Variants in ARHGEF18 observed in about 807,000 individuals in gnomAD.
The protein encoded by ARHGEF18 is Rho/Rac guanine nucleotide exchange factor 18, also known as rho guanine nucleotide exchange factor 18.
Under a neutral mutation model 155.7 loss-of-function variants are expected in ARHGEF18, and 93 were observed. The ratio of observed to expected loss-of-function variants is 0.60; its 90% CI spans 0.50 to 0.71. The LOEUF is 0.71. ARHGEF18 is among the 30% of genes least tolerant of loss of function. The pLI, the probability that ARHGEF18 is intolerant of heterozygous loss-of-function variation, is 0.00. For missense variants in ARHGEF18, 1,593 were observed against 1,816.1 expected (o/e 0.88, Z 2.23); for synonymous variants, 742 against 753.1 (o/e 0.99, Z 0.24).
chr19:7,363,514 G>T (rs572463665), intron 2 of ARHGEF18, among the ~76,000 whole-genome samples: 2 of 151,960 alleles, frequency 1.3e-5, no homozygotes, highest in Non-Finnish European at 2.9e-5. Flanking sequence ...AGAAAGGTGG[G>T]TGAATGGAAG....
intron 13 of ARHGEF18, among the ~76,000 whole-genome samples, chr19:7,443,393 G>A (rs1245125482): frequency 6.6e-6 from 1 of 152,046 alleles, no homozygotes; most frequent in Non-Finnish European, 1.5e-5. Context: ...TAGAGACAGG[G>A]TTTCGCTGTG....
At chr19:7,367,398 T>C (rs1230498365) in intron 2 of ARHGEF18, among the ~76,000 whole-genome samples, 1 of 151,770 alleles carries the variant, frequency 6.6e-6, no homozygotes, top group Non-Finnish European at 1.5e-5. Flanking sequence ...TAGCCCAGGA[T>C]TTCAAGACCA....
At chr19:7,385,876 CTCCCT>C (rs1971016522) in intron 10 of ARHGEF18, among the ~76,000 whole-genome samples, 5 of 62,380 alleles carry the variant, frequency 8.0e-5, no homozygotes, top group African/African-American at 5.0e-4. Flanking sequence ...TCTCTCCCCC[CTCCCT>C]CTCTCCCTCC....
chr19:7,401,254 A>T (rs898479900), intron 10 of ARHGEF18, among the ~76,000 whole-genome samples: 4 of 151,976 alleles, frequency 2.6e-5, no homozygotes, highest in Non-Finnish European at 5.9e-5. Flanking sequence ...ACCCTTTGTG[A>T]TGTCCACTTG....
At chr19:7,373,485 T>TTTG (rs1970297249) in intron 3 of ARHGEF18, among the ~76,000 whole-genome samples, 1 of 123,344 alleles carries the variant, frequency 8.1e-6, no homozygotes, top group African/African-American at 4.6e-5. Context: ...TTGTTTTTGT[T>TTTG]TTTTTTTTGA....
intron 7 of ARHGEF18, among the ~76,000 whole-genome samples, chr19:7,380,176 TA>T (rs869034526): frequency 0.08 from 11,182 of 139,904 alleles, 560 homozygotes; most frequent in Non-Finnish European, 0.12. Context: ...AAACCCTGTT[TA>T]AAAAAAAAAA....
Position 7,459,896 on chromosome 19 carries a change from C to G in ARHGEF18, c.2361-7C>G. 6.4e-7 allele frequency: 1 copy of G among 1,566,774 alleles called. No individual in the cohort carries two copies. Among genetic ancestry groups the G allele is most frequent in the Non-Finnish European group, 8.7e-7 (1 of 1,155,608 alleles). On this transcript the variant is annotated splice_region_variant and splice_polypyrimidine_tract_variant and intron_variant, in intron 19 of 28. Transcript: ENST00000668164. ...CACAGTTACCCACCCGACTCCTCTC[C>G]CTGCAGCTGCCCTGACGAGGAGGAG...
chr19:7,415,906 C>T (rs1421459311), intron 10 of ARHGEF18, among the ~76,000 whole-genome samples: 3 of 152,086 alleles, frequency 2.0e-5, no homozygotes, highest in South Asian at 2.1e-4. Context: ...TCTCTGTAAC[C>T]GCAACATGAA....
At chr19:7,414,645 C>G (rs1372379217) in intron 10 of ARHGEF18, among the ~76,000 whole-genome samples, 1 of 152,008 alleles carries the variant, frequency 6.6e-6, no homozygotes, top group Non-Finnish European at 1.5e-5. Context: ...CCCGTCTCTA[C>G]TAAAAATACA....
At chr19:7,404,921 G>A (rs563514892) in intron 10 of ARHGEF18, among the ~76,000 whole-genome samples, 19 of 152,042 alleles carry the variant, frequency 1.2e-4, no homozygotes, top group South Asian at 6.2e-4. Context: ...TTACCAAACC[G>A]AACTCACCTT....
intron 2 of ARHGEF18, among the ~76,000 whole-genome samples, chr19:7,367,534 G>A (rs1266518973): frequency 6.6e-6 from 1 of 151,694 alleles, no homozygotes; most frequent in Non-Finnish European, 1.5e-5. Flanking sequence ...ATCACCTGAG[G>A]TCAGGAGTTC....
intron 1 of ARHGEF18, among the ~76,000 whole-genome samples, chr19:7,352,641 C>T (rs945183902): frequency 3.6e-5 from 5 of 139,920 alleles, no homozygotes; most frequent in African/African-American, 1.3e-4. Context: ...TCACGCCATT[C>T]TCCTGCCTCA....
chr19:7,439,079 G>A (rs10415183), intron 10 of ARHGEF18, among the ~76,000 whole-genome samples: 7 of 151,552 alleles, frequency 4.6e-5, no homozygotes, highest in East Asian at 2.0e-4. Flanking sequence ...AAGTAGAGAC[G>A]GGGGTTTCCT....
At chr19:7,402,062 G>T (rs1426387237) in intron 10 of ARHGEF18, among the ~76,000 whole-genome samples, 5 of 152,198 alleles carry the variant, frequency 3.3e-5, no homozygotes, top group African/African-American at 4.8e-5. Flanking sequence ...CAGGCTGGGG[G>T]TAGTGGAGTG....
At position 7,464,604 on chromosome 19, in the gene ARHGEF18, C is replaced by A. The variant is rs750656837; in HGVS notation, c.2818C>A (p.Arg940=). 2.1e-5 allele frequency: 34 copies of A among 1,613,716 alleles called. No homozygotes were observed. The highest frequency in any genetic ancestry group is 3.3e-4 in the Middle Eastern group (2 of 6,084). ...AGTCAGCAGCACTGACCCCAGGCCC[C>A]GAGACTGGCGAGGCCCCCCAAACAG... ...KKVSSTDPRP[R]DWRGPPNSPD... is the part of the protein sequence containing the mutation. Residue 940 remains arginine, a synonymous_variant, in exon 23 of 29, where the codon CGA becomes AGA. Coordinates refer to ENST00000668164, the MANE Select transcript of ARHGEF18 (RefSeq NM_001367823.1).
chr19:7,463,693 G>A lies in ARHGEF18; in HGVS notation c.2636-125G>A. ...GCTGAAATCCCACGGCACACAGAAGGGGGCAGGCGATCACCACCCCAGTGA... is the reference window on the plus strand; with the variant it reads ...GCTGAAATCCCACGGCACACAGAAGAGGGCAGGCGATCACCACCCCAGTGA... On this transcript the variant is annotated intron_variant, in intron 21 of 28. Transcript: ENST00000668164. This position sits in a 1 kb window ranked among gnomAD's most constrained non-coding sequence, Gnocchi z 5.2. The A allele has an allele frequency of 8.3e-7, 1 of 1,200,186 alleles. No homozygotes were observed. The highest frequency in any genetic ancestry group is 1.1e-6 in the Non-Finnish European group (1 of 871,744). 74.3% of individuals were successfully genotyped at this position (1,200,186 alleles called of 1,614,324 possible).
intron 10 of ARHGEF18, among the ~76,000 whole-genome samples, chr19:7,416,246 A>T (rs199516767): frequency 0.015 from 1,640 of 111,402 alleles, 20 homozygotes; most frequent in South Asian, 0.082. Flanking sequence ...TAAAAAAAAA[A>T]TTTTTTTTAA....
chr19:7,391,399 A>G (rs1393699004), intron 10 of ARHGEF18, among the ~76,000 whole-genome samples: 1 of 152,142 alleles, frequency 6.6e-6, no homozygotes, highest in Non-Finnish European at 1.5e-5. Flanking sequence ...GAGAACAGAC[A>G]CCACGCCAGA....
Position 7,453,706 on chromosome 19 carries a change from C to T in ARHGEF18, c.2095C>T (p.Arg699Cys), listed in dbSNP as rs776496814. The T allele has an allele frequency of 7.7e-6, 12 of 1,563,454 alleles. No homozygotes were observed. The highest frequency in any genetic ancestry group is 1.0e-5 in the Non-Finnish European group (12 of 1,152,466). Reference protein sequence around the residue: ...GMLCWKTTSGRLKDILAILLT... With the variant: ...GMLCWKTTSGCLKDILAILLT... ...GCTATGCTGGAAGACCACATCAGGG[C>T]GCTTGAAAGGTAAAGGCCTGCCCCT... Residue 699 changes from arginine to cysteine, a missense_variant, in exon 17 of 29, where the codon CGC (arginine) becomes TGC (cysteine). By Grantham distance (180) the Arg-to-Cys change is radical. Coordinates refer to ENST00000668164, the MANE Select transcript of ARHGEF18 (RefSeq NM_001367823.1).
Sources: allele counts gnomAD v4.1 joint callset (sites outside exome capture counted in the v4.1 genomes callset), GRCh38; gene constraint gnomAD v4.1.1; non-coding constraint Gnocchi (gnomAD v3.1); transcripts MANE v1.5; gene names NCBI Gene and HGNC (gene_info 2026-07-23, HGNC 2026-07-21).